The following MESD variants were observed in gnomAD, a reference collection of about 807,000 sequenced individuals.
MESD encodes LRP chaperone MESD.
In MESD, 7 loss-of-function variants were observed where a neutral mutation model predicts 12.9. That is an observed-to-expected ratio of 0.54 (90% CI 0.31 to 1.02). MESD has a LOEUF of 1.02. Among genes scored for constraint, MESD ranks in the 50% least tolerant of loss-of-function variants. The pLI is 0.05. For synonymous variants in MESD, 126 were observed against 115.6 expected (o/e 1.09, Z -0.58); for missense variants, 342 against 296.7 (o/e 1.15, Z -1.12).
At chr15:80,988,844 A>T (rs1046541452) in intron 1 of MESD, among the ~76,000 whole-genome samples, 4 of 151,624 alleles carry the variant, frequency 2.6e-5, no homozygotes, top group Non-Finnish European at 1.5e-5. Context: ...CACCTTAGGA[A>T]GGGGAAAAGG....
At chr15:80,963,284 A>G (rs985086305) in intron 3 of MESD, among the ~76,000 whole-genome samples, 6 of 152,234 alleles carry the variant, frequency 3.9e-5, no homozygotes, top group African/African-American at 1.4e-4. Context: ...ACCAGGAAGA[A>G]GTTGAATCTC....
In MESD at chr15:80,978,052, ATG is replaced by A. The variant is rs1422198983; in HGVS notation, c.*1165_*1166del. 2 of 152,132 alleles carry A rather than the reference ATG, an allele frequency of 1.3e-5. No homozygotes were observed. The highest frequency in any genetic ancestry group is 4.8e-5 in the African/African-American group (2 of 41,408). The allele number at this position is 152,132 out of a possible 1,614,324, so 9.4% of individuals were successfully genotyped here. ...ACCATAAGTACATTTACATAAGTAA[ATG>A]TACTTTTTTTTGGTGGATGGGCAGG... On this transcript the variant is annotated 3_prime_UTR_variant, in exon 3 of 3. Coordinates refer to ENST00000261758, the MANE Select transcript of MESD (RefSeq NM_015154.3).
intron 3 of MESD, among the ~76,000 whole-genome samples, chr15:80,968,477 A>C (rs1319898891): frequency 2.0e-5 from 3 of 152,176 alleles, no homozygotes; most frequent in Non-Finnish European, 4.4e-5. Context: ...AGTCACCTGA[A>C]GCACAAAACA....
chr15:80,953,726 G>A (rs569712880), intron 3 of MESD, among the ~76,000 whole-genome samples: 12 of 152,322 alleles, frequency 7.9e-5, no homozygotes, highest in African/African-American at 2.9e-4. Flanking sequence ...CTGGAGGAAA[G>A]GGGGTGGGGT....
chr15:80,969,787 G>A (rs181947003), intron 3 of MESD, among the ~76,000 whole-genome samples: 5 of 152,278 alleles, frequency 3.3e-5, no homozygotes, highest in South Asian at 2.1e-4. Flanking sequence ...TCCGGGAGGC[G>A]GAAGTTGCAG....
At chr15:80,971,647 G>A (rs1033326129), downstream of MESD, among the ~76,000 whole-genome samples, 12 of 151,492 alleles carry the variant, frequency 7.9e-5, no homozygotes, top group African/African-American at 2.7e-4. Context: ...TTTTTTTCCA[G>A]CCAGGGTCTC....
chr15:80,961,080 C>T (rs1902077286), intron 3 of MESD, among the ~76,000 whole-genome samples: 2 of 152,132 alleles, frequency 1.3e-5, no homozygotes, highest in African/African-American at 4.8e-5. Context: ...TATCGCCAGG[C>T]TTAGGGGTGG....
rs56882873 is a variant in MESD at position 80,956,775 on chromosome 15, G to A, written c.*289-4479C>T. 6.6e-4 allele frequency among the ~76,000 whole-genome samples: 100 copies of A among 152,210 alleles called. 1 individual carries two copies. Among genetic ancestry groups the A allele is most frequent in the Non-Finnish European group, 1.2e-3 (80 of 68,006 alleles). On this transcript the variant is annotated intron_variant, in intron 3 of 4. Transcript: ENST00000561312. ...TAACAAGCAAAACAGATACAAGGACGGAGCATGCAGAGGGGGTGGCTGTGT... is the reference window on the plus strand; with the variant it reads ...TAACAAGCAAAACAGATACAAGGACAGAGCATGCAGAGGGGGTGGCTGTGT...
In MESD at chr15:80,983,894, C is replaced by CTTTTTTTT. The variant is rs10570822; in HGVS notation, c.214-1720_214-1713dup. On this transcript the variant is annotated intron_variant, in intron 1 of 2. Transcript: ENST00000261758. ...ATAAATTACTAATAGAAAACAGTAA[C>CTTTTTTTT]TTTTTTTTTTTTTTTTTTTTTTTTT... is the stretch of plus-strand genomic sequence containing the variant. Among the ~76,000 whole-genome samples, 17 of 88,500 alleles carry CTTTTTTTT rather than the reference C, an allele frequency of 1.9e-4. 1 individual carries two copies. The highest frequency in any genetic ancestry group is 8.7e-4 in the East Asian group (2 of 2,298). The allele number at this position is 88,500 out of a possible 152,430, so 58.1% of individuals were successfully genotyped here. A position where few individuals can be genotyped will look rare whatever the true frequency, so the allele number is the denominator to read the frequency against.
chr15:80,956,010 C>A (rs1228879595), intron 3 of MESD, among the ~76,000 whole-genome samples: 3 of 151,970 alleles, frequency 2.0e-5, no homozygotes, highest in Admixed American at 1.3e-4. Flanking sequence ...GGCAACATGG[C>A]AAAACCTCAT....
intron 3 of MESD, among the ~76,000 whole-genome samples, chr15:80,966,296 T>G (rs1386289058): frequency 6.6e-6 from 1 of 152,208 alleles, no homozygotes; most frequent in East Asian, 1.9e-4. Context: ...TAGCATTATT[T>G]ATAATGACTT....
intron 1 of MESD, among the ~76,000 whole-genome samples, chr15:80,986,618 T>A (rs1161172892): frequency 2.0e-5 from 3 of 152,226 alleles, no homozygotes; most frequent in Non-Finnish European, 4.4e-5. Context: ...CTGGGTAACC[T>A]AACCTGTTAT....
At chr15:80,949,490 C>T (rs1270810207) in intron 4 of MESD, 1 of 179,950 alleles carries the variant, frequency 5.6e-6, no homozygotes, top group East Asian at 1.3e-4. Flanking sequence ...GCCGTGTCCA[C>T]CTTTCAGGAG....
intron 1 of MESD, 115 bp from the exon 2 acceptor site, chr15:80,982,297 TA>T (rs1485183907): frequency 3.8e-6 from 3 of 795,182 alleles, no homozygotes; most frequent in Non-Finnish European, 6.1e-6. Flanking sequence ...AATTACAACA[TA>T]AAAAGGAAAA....
chr15:80,963,523 C>CA (rs1567120593), intron 3 of MESD, among the ~76,000 whole-genome samples: 1 of 152,006 alleles, frequency 6.6e-6, no homozygotes, highest in African/African-American at 2.4e-5. Context: ...AGAGACACAA[C>CA]AAAAAAAGAG....
chr15:80,973,083 T>C (rs1040419636), downstream of MESD, among the ~76,000 whole-genome samples: 1 of 151,676 alleles, frequency 6.6e-6, no homozygotes. Context: ...AGTGGAAAAA[T>C]TGTAAACCAA....
chr15:80,948,017 A>T (rs1289522860), exon 5 of MESD: 1 of 152,732 alleles, frequency 6.5e-6, no homozygotes, highest in Non-Finnish European at 1.5e-5. Flanking sequence ...CCTTCAAACC[A>T]GCCAAAGGAG....
chr15:80,958,862 T>C (rs1902034482), intron 3 of MESD, among the ~76,000 whole-genome samples: 3 of 152,120 alleles, frequency 2.0e-5, no homozygotes, highest in Non-Finnish European at 4.4e-5. Context: ...GTTACCCCCA[T>C]ATTCTGAGGA....
intron 1 of MESD, among the ~76,000 whole-genome samples, chr15:80,983,991 C>T (rs907595689): frequency 2.0e-5 from 3 of 148,608 alleles, no homozygotes; most frequent in African/African-American, 7.5e-5. Flanking sequence ...ACCTCTGCCT[C>T]CTGGGTTCAG....
Sources: allele counts gnomAD v4.1 joint callset (sites outside exome capture counted in the v4.1 genomes callset), GRCh38; gene constraint gnomAD v4.1.1; transcripts MANE v1.5; gene names NCBI Gene and HGNC (gene_info 2026-07-23, HGNC 2026-07-21).